IQCH: variants seen among roughly 807,000 people sequenced by gnomAD.
IQCH encodes IQ domain-containing protein H.
IQCH carries 98 observed loss-of-function variants against 117.0 expected under a neutral mutation model. The observed-to-expected ratio is 0.84, with a 90% confidence interval of 0.71 to 0.99. The LOEUF (loss-of-function observed/expected upper bound fraction) is 0.99. IQCH is among the 50% of genes least tolerant of loss of function. The pLI is 0.00. For missense variants in IQCH, 1,102 were observed against 1,243.8 expected (o/e 0.89, Z 1.72); for synonymous variants, 412 against 448.2 (o/e 0.92, Z 1.02).
rs544382235 is a variant in IQCH at position 67,292,565 on chromosome 15, C to G, written c.387+13053C>G. ...AGCTCCCAGGCTTCATTATAGCAGC[C>G]CAAAAAGACTAAAACAGTATGAAAA... is the stretch of plus-strand genomic sequence containing the variant. On this transcript the variant is annotated intron_variant, in intron 4 of 20. Coordinates refer to ENST00000335894, the MANE Select transcript of IQCH (RefSeq NM_001031715.3). 2.0e-5 allele frequency among the ~76,000 whole-genome samples: 3 copies of G among 152,098 alleles called. No individual in the cohort carries two copies. The East Asian group carries it at 5.8e-4, about 29-fold the overall frequency.
At chr15:67,282,391 C>T (rs1441905858) in intron 4 of IQCH, among the ~76,000 whole-genome samples, 1 of 151,402 alleles carries the variant, frequency 6.6e-6, no homozygotes, top group Admixed American at 6.6e-5. Context: ...ATTTATTTGC[C>T]CCAAAGAGCT....
Position 67,353,618 on chromosome 15 carries a change from C to T in IQCH, c.638-3727C>T, listed in dbSNP as rs565195520. Among the ~76,000 whole-genome samples the T allele has an allele frequency of 2.9e-3, 435 of 152,076 alleles. 3 individuals carry two copies. The highest frequency in any genetic ancestry group is 8.0e-3 in the Admixed American group (123 of 15,288). ...CAGGCAATCCGCCCACCTTGCCCTCCCAAAATGTGGGATTACAGGCCTGAG... is the reference window on the plus strand; with the variant it reads ...CAGGCAATCCGCCCACCTTGCCCTCTCAAAATGTGGGATTACAGGCCTGAG... On this transcript the variant is annotated intron_variant, in intron 6 of 20. Coordinates refer to ENST00000335894, the MANE Select transcript of IQCH (RefSeq NM_001031715.3).
In IQCH at chr15:67,421,309, T is replaced by C. The variant is rs1288312330; in HGVS notation, c.2237T>C (p.Phe746Ser). ...FLSQGGVIEAFPPADNVTNLT... is the reference protein window; with the variant it reads ...FLSQGGVIEASPPADNVTNLT... ...CCACCAGGGGGTGTGATCGAAGCAT[T>C]CCCACCTGCAGACAATGTCACCAAC... The change falls in exon 16 of 21, where the codon TTC becomes TCC. Residue 746 changes from phenylalanine to serine, a missense_variant. Physicochemically the swap from Phe to Ser is radical, Grantham distance 155 (BLOSUM62 -2). Transcript: ENST00000335894. The C allele has an allele frequency of 6.2e-7, 1 of 1,614,006 alleles. No homozygotes were observed. Among genetic ancestry groups the C allele is most frequent in the Non-Finnish European group, 8.5e-7 (1 of 1,179,946 alleles).
chr15:67,475,957 G>A lies in IQCH; in HGVS notation c.2799+139G>A. ...TGTCTGTAGAGGAAGGCTGATTGCT[G>A]CTTGGGGAAGAGCAGATACGCAACT... On this transcript the variant is annotated intron_variant, in intron 18 of 20. Coordinates refer to ENST00000335894, the MANE Select transcript of IQCH (RefSeq NM_001031715.3). The surrounding 1 kb of genome is among the most constrained non-coding windows in gnomAD (Gnocchi z 5.7). 1 of 719,744 alleles carries A rather than the reference G, an allele frequency of 1.4e-6. No homozygotes were observed. The highest frequency in any genetic ancestry group is 2.3e-6 in the Non-Finnish European group (1 of 437,712). The allele number at this position is 719,744 out of a possible 1,614,324, so 44.6% of individuals were successfully genotyped here. A position where few individuals can be genotyped will look rare whatever the true frequency, so the allele number is the denominator to read the frequency against.
intron 4 of IQCH, among the ~76,000 whole-genome samples, chr15:67,335,710 C>T (rs1206614900): frequency 6.6e-6 from 1 of 152,140 alleles, no homozygotes; most frequent in Non-Finnish European, 1.5e-5. Flanking sequence ...CCTGCACTCT[C>T]ATTAAGGCGA....
rs1384981284 is a variant in IQCH, at chr15:67,433,671, G to C, written c.2505+12094G>C. The stretch of plus-strand genomic sequence containing the variant: ...ATCACCAGAAACATGGCCAGGGCGA[G>C]GAAAATCTGGACACTCACACTGCAC... On this transcript the variant is annotated intron_variant, in intron 16 of 20. Transcript: ENST00000335894. This position sits in a 1 kb window ranked among gnomAD's most constrained non-coding sequence, Gnocchi z 5.4. Among the ~76,000 whole-genome samples the C allele has an allele frequency of 6.6e-6, 1 of 152,268 alleles. No homozygotes were observed. Among genetic ancestry groups the C allele is most frequent in the African/African-American group, 2.4e-5 (1 of 41,546 alleles).
At chr15:67,478,788 T>G (rs977891807) in intron 18 of IQCH, among the ~76,000 whole-genome samples, 1 of 151,356 alleles carries the variant, frequency 6.6e-6, no homozygotes. Context: ...GCTGGGTGTG[T>G]TGGCAGGCGC....
chr15:67,354,006 G>A (rs888538459), intron 6 of IQCH, among the ~76,000 whole-genome samples: 10 of 152,064 alleles, frequency 6.6e-5, no homozygotes, highest in Non-Finnish European at 1.3e-4. Context: ...ATATGCCAGA[G>A]GGGAGAAGGC....
Position 67,443,426 on chromosome 15 carries a change from G to A in IQCH, c.2506-21701G>A, listed in dbSNP as rs1392012514. Among the ~76,000 whole-genome samples the A allele has an allele frequency of 1.3e-5, 2 of 152,158 alleles. No homozygotes were observed. Among genetic ancestry groups the A allele is most frequent in the African/African-American group, 4.8e-5 (2 of 41,436 alleles). ...TACAATCGACTTTGGGGACTTGGGG[G>A]AAAGAGTGGGAGGGGGTGAGGGACA... On this transcript the variant is annotated intron_variant, in intron 16 of 20. Transcript: ENST00000335894. The surrounding 1 kb of genome is among the most constrained non-coding windows in gnomAD (Gnocchi z 5.0).
In IQCH at chr15:67,344,001, G is replaced by C. The variant is rs995211587; in HGVS notation, c.509-62G>C. The C allele has an allele frequency of 4.1e-6, 6 of 1,450,720 alleles. No homozygotes were observed. The African/African-American group carries it at 8.5e-5, about 20-fold the overall frequency. 89.9% of individuals were successfully genotyped at this position (1,450,720 alleles called of 1,614,324 possible). A position where few individuals can be genotyped will look rare whatever the true frequency, so the allele number is the denominator to read the frequency against. On this transcript the variant is annotated intron_variant, in intron 5 of 20. Transcript: ENST00000335894. Reference sequence around the variant, plus strand: ...GTAAGTTACACTTGTGAAATTTATAGAGCTCAGACTTTGTGGAATTGCTTG... The same window carrying C: ...GTAAGTTACACTTGTGAAATTTATACAGCTCAGACTTTGTGGAATTGCTTG...
In IQCH at chr15:67,488,114, A is replaced by G. The variant is rs374968762; in HGVS notation, c.2800-1889A>G. Among the ~76,000 whole-genome samples the G allele has an allele frequency of 1.1e-3, 167 of 152,262 alleles. 1 individual carries two copies. In the East Asian group the frequency reaches 0.024, roughly 22 times the overall value. On this transcript the variant is annotated intron_variant, in intron 18 of 20. Coordinates refer to ENST00000335894, the MANE Select transcript of IQCH (RefSeq NM_001031715.3). ...GATCACTTGAGCCCAGCAGTTCGAG[A>G]CCAGCCTAAGCAACAAGGCAAAACC... is the stretch of plus-strand genomic sequence containing the variant.
chr15:67,305,492 T>C (rs1045476548), intron 4 of IQCH, among the ~76,000 whole-genome samples: 1 of 152,138 alleles, frequency 6.6e-6, no homozygotes, highest in Non-Finnish European at 1.5e-5. Flanking sequence ...TGAAACTTTA[T>C]TTAAAATGTC....
intron 18 of IQCH, among the ~76,000 whole-genome samples, chr15:67,489,680 A>C (rs2083595664): frequency 1.3e-5 from 2 of 151,880 alleles, no homozygotes; most frequent in Non-Finnish European, 1.5e-5. Context: ...TGTACACAAG[A>C]ATCATCCAAG....
rs1396885626 is a variant in IQCH, at chr15:67,386,377, T to C, written c.1456+1358T>C. Among the ~76,000 whole-genome samples, 1 of 152,172 alleles carries C rather than the reference T, an allele frequency of 6.6e-6. No individual in the cohort carries two copies. The highest frequency in any genetic ancestry group is 1.5e-5 in the Non-Finnish European group (1 of 68,010). ...TCTACCTGCAATGGAATATTTTGCT[T>C]ATATGAACATTTCTGAGAGATTATG... On this transcript the variant is annotated intron_variant, in intron 11 of 20. Coordinates refer to ENST00000335894, the MANE Select transcript of IQCH (RefSeq NM_001031715.3). This position sits in a 1 kb window ranked among gnomAD's most constrained non-coding sequence, Gnocchi z 5.0.
At chr15:67,256,990 C>T (rs566825751) in intron 1 of IQCH, among the ~76,000 whole-genome samples, 1 of 152,320 alleles carries the variant, frequency 6.6e-6, no homozygotes, top group Non-Finnish European at 1.5e-5. Context: ...TGTAGCACCA[C>T]CCAACTGTGC....
In IQCH at chr15:67,403,633, C is replaced by T. The variant is rs775887686; in HGVS notation, c.2097+3328C>T. 1 of 152,118 alleles carries T rather than the reference C, an allele frequency of 6.6e-6. No individual in the cohort carries two copies. The highest frequency in any genetic ancestry group is 1.5e-5 in the Non-Finnish European group (1 of 68,044). 9.4% of individuals were successfully genotyped at this position (152,118 alleles called of 1,614,324 possible). A position where few individuals can be genotyped will look rare whatever the true frequency, so the allele number is the denominator to read the frequency against. ...CACTCCAAACTCCACGTTCCCCAGT[C>T]GGGGGTATTTATTTTCATTTAGGAG... is the stretch of plus-strand genomic sequence containing the variant. On this transcript the variant is annotated intron_variant, in intron 14 of 20. Coordinates refer to ENST00000335894, the MANE Select transcript of IQCH (RefSeq NM_001031715.3). The surrounding 1 kb of genome is among the most constrained non-coding windows in gnomAD (Gnocchi z 4.8).
chr15:67,381,867 C>T lies in IQCH; in HGVS notation c.1373-3069C>T, dbSNP rs1450188744. On this transcript the variant is annotated intron_variant, in intron 10 of 20. Transcript: ENST00000335894. The surrounding 1 kb of genome is among the most constrained non-coding windows in gnomAD (Gnocchi z 5.1). ...GTGGTAGTGTGCACCAGTAGTCTCA[C>T]CTAATTGAGAGGCTGAGGTGGGAGG... 1.3e-5 allele frequency among the ~76,000 whole-genome samples: 2 copies of T among 151,540 alleles called. No individual in the cohort carries two copies. The highest frequency in any genetic ancestry group is 4.9e-5 in the African/African-American group (2 of 41,180).
intron 4 of IQCH, 135 bp downstream of exon 4, chr15:67,279,647 T>C (rs1276726802): frequency 5.5e-6 from 3 of 548,652 alleles, no homozygotes; most frequent in South Asian, 2.7e-5. Context: ...TAGAATTATA[T>C]AGTGGTGATG....
intron 6 of IQCH, among the ~76,000 whole-genome samples, chr15:67,348,274 CA>C (rs1250855055): frequency 6.6e-6 from 1 of 151,670 alleles, no homozygotes; most frequent in African/African-American, 2.4e-5. Flanking sequence ...GAAAAAGAAA[CA>C]AAAGACATGC....
Sources: gnomAD v4.1 joint callset for allele counts (sites outside exome capture counted in the v4.1 genomes callset) on GRCh38, gnomAD v4.1.1 for gene constraint, Gnocchi (gnomAD v3.1) non-coding constraint, MANE v1.5 for transcripts, NCBI Gene and HGNC (gene_info 2026-07-23, HGNC 2026-07-21) for gene names.